Variants in TJAP1 observed in about 807,000 individuals in gnomAD.
The protein encoded by TJAP1 is tight junction associated protein 1, also known as tight junction-associated protein 1.
In TJAP1, 27 loss-of-function variants were observed where a neutral mutation model predicts 42.0. The ratio of observed to expected loss-of-function variants is 0.64; its 90% confidence interval spans 0.47 to 0.89. The LOEUF (loss-of-function observed/expected upper bound fraction) is 0.89, where lower values mean the gene tolerates loss of function less well. Among genes scored for constraint, TJAP1 ranks in the 40% least tolerant of loss-of-function variants. TJAP1 has a pLI of 0.00. For synonymous variants in TJAP1, 257 were observed against 288.4 expected (o/e 0.89, Z 1.10); for missense variants, 712 against 726.9 (o/e 0.98, Z 0.24).
chr6:43,504,672 T>C, intron 10 of TJAP1, 89 bp from the exon 11 acceptor site: 1 of 1,517,426 alleles, frequency 6.6e-7, no homozygotes, highest in Non-Finnish European at 8.9e-7. Flanking sequence ...ACAGAGGTAC[T>C]TAAAGGTGGG....
At chr6:43,489,780 G>A (rs1787400869) in intron 2 of TJAP1, 1 of 152,168 alleles carries the variant, frequency 6.6e-6, no homozygotes, top group African/African-American at 2.4e-5. Context: ...TTCCGGATGG[G>A]AGAAAGCCCC....
intron 2 of TJAP1, among the ~76,000 whole-genome samples, chr6:43,493,509 A>C (rs1406458127): frequency 6.6e-6 from 1 of 152,140 alleles, no homozygotes; most frequent in African/African-American, 2.4e-5. Flanking sequence ...TGGAAAAGCC[A>C]AAGAACCATA....
Position 43,505,291 on chromosome 6 carries a change from C to T in TJAP1, c.1110C>T (p.Ala370=), listed in dbSNP as rs1303798828. The T allele has an allele frequency of 6.2e-7, 1 of 1,612,046 alleles. No homozygotes were observed. Residue 370 remains alanine (A), a synonymous_variant, in exon 11 of 11, where the codon GCC becomes GCT. Transcript: ENST00000372449. The surrounding 1 kb of genome is among the most constrained non-coding windows in gnomAD (Gnocchi z 5.5). ...TGGTAGAGGAGGGGAGTGAGCGGGC[C>T]CGCCCCAGCCCAGTGCCCAGCACCC...
chr6:43,478,867 G>A (rs1431840053), intron 2 of TJAP1: 1 of 152,230 alleles, frequency 6.6e-6, no homozygotes, highest in African/African-American at 2.4e-5. Context: ...CTCTGGGAAT[G>A]TTTAGCACCG....
chr6:43,483,528 T>A (rs1785765115), intron 2 of TJAP1, among the ~76,000 whole-genome samples: 1 of 152,212 alleles, frequency 6.6e-6, no homozygotes, highest in South Asian at 2.1e-4. Flanking sequence ...TACCATGTTG[T>A]TTGGTGAGGG....
chr6:43,482,615 T>G (rs1436300026), intron 2 of TJAP1, among the ~76,000 whole-genome samples: 1 of 152,212 alleles, frequency 6.6e-6, no homozygotes, highest in African/African-American at 2.4e-5. Context: ...GTGTCATAAT[T>G]GCCTGTTTAC....
intron 2 of TJAP1, among the ~76,000 whole-genome samples, chr6:43,481,949 G>C (rs1004000402): frequency 1.6e-4 from 24 of 152,204 alleles, no homozygotes; most frequent in Non-Finnish European, 2.2e-4. Context: ...GGAATTGCGG[G>C]CTCAGGACTT....
At chr6:43,501,893 A>G (rs192367561) in intron 6 of TJAP1, among the ~76,000 whole-genome samples, 1 of 61,932 alleles carries the variant, frequency 1.6e-5, no homozygotes, top group Non-Finnish European at 3.4e-5. Context: ...ATGCGGGGCC[A>G]CACACACACA....
chr6:43,506,006 C>T, exon 11 of TJAP1: 2 of 720,512 alleles, frequency 2.8e-6, no homozygotes, highest in East Asian at 3.1e-5. Context: ...AGGTTGTGGG[C>T]CATGCCAGGC....
chr6:43,502,294 G>A (rs369789691), exon 7 of TJAP1: 8 of 1,613,866 alleles, frequency 5.0e-6, no homozygotes, highest in South Asian at 1.1e-5. Flanking sequence ...CTGCAGAACA[G>A]CTACACGGCT....
At chr6:43,480,083 A>G (rs143255496) in intron 2 of TJAP1, among the ~76,000 whole-genome samples, 1 of 152,330 alleles carries the variant, frequency 6.6e-6, no homozygotes, top group Non-Finnish European at 1.5e-5. Context: ...TTATCAATCA[A>G]ATGTGGGTAG....
chr6:43,497,049 C>G (rs76284477), intron 2 of TJAP1: 7,655 of 152,392 alleles, frequency 0.05, 306 homozygotes, highest in African/African-American at 0.11. Context: ...CTCCAACTCC[C>G]CCGACTGGGG....
At chr6:43,499,680 C>T (rs915444168) in intron 4 of TJAP1, among the ~76,000 whole-genome samples, 1 of 152,270 alleles carries the variant, frequency 6.6e-6, no homozygotes, top group Admixed American at 6.5e-5. Context: ...ATTAACTTCA[C>T]TCACAGGCAG....
chr6:43,500,844 T>C (rs1790365226), intron 5 of TJAP1, 72 bp downstream of exon 5: 1 of 1,573,142 alleles, frequency 6.4e-7, no homozygotes, highest in Non-Finnish European at 8.7e-7. Context: ...AGACTGTTGG[T>C]ACAGTTGGAC....
intron 4 of TJAP1, 24 bp downstream of exon 4, chr6:43,499,124 C>G (rs780898081): frequency 4.3e-6 from 7 of 1,612,282 alleles, no homozygotes; most frequent in Non-Finnish European, 5.1e-6. Flanking sequence ...GTATCACAGC[C>G]TGACCGGCAG....
At position 43,505,771 on chromosome 6, in the gene TJAP1, C is replaced by A; in HGVS notation, c.1590C>A (p.Arg530=). Reference sequence around the variant, plus strand: ...TCCCCAGCTCCAGTCGCCCCCAGCGCAGCCCCAAGAGGATGGGGGTTCACC... The same window carrying A: ...TCCCCAGCTCCAGTCGCCCCCAGCGAAGCCCCAAGAGGATGGGGGTTCACC... Residue 530 remains arginine (R), a synonymous_variant, in exon 11 of 11, where the codon CGC becomes CGA. Transcript: ENST00000372449. This position sits in a 1 kb window ranked among gnomAD's most constrained non-coding sequence, Gnocchi z 5.5. 6.6e-7 allele frequency: 1 copy of A among 1,515,498 alleles called. No individual in the cohort carries two copies. Among genetic ancestry groups the A allele is most frequent in the Non-Finnish European group, 8.8e-7 (1 of 1,136,448 alleles). 93.9% of individuals were successfully genotyped at this position (1,515,498 alleles called of 1,614,324 possible).
rs560460422 is a variant in TJAP1 at position 43,499,155 on chromosome 6, G to A, written c.99+55G>A. 3.4e-5 allele frequency: 55 copies of A among 1,602,268 alleles called. No individual in the cohort carries two copies. The East Asian group carries it at 1.2e-3, about 35-fold the overall frequency. On this transcript the variant is annotated intron_variant, in intron 4 of 10. Transcript: ENST00000372449. ...GGCAGAGGCAAGGCCCCTGAGGCTG[G>A]GTGTCTGGCTGACTTCTCCTGCCTG... is the stretch of plus-strand genomic sequence containing the variant.
At chr6:43,485,976 T>C (rs1581922814) in intron 2 of TJAP1, among the ~76,000 whole-genome samples, 1 of 152,020 alleles carries the variant, frequency 6.6e-6, no homozygotes, top group East Asian at 1.9e-4. Context: ...TGTTTTTTTT[T>C]TTTTTCTTTT....
chr6:43,496,191 G>A (rs1477578048), intron 2 of TJAP1, among the ~76,000 whole-genome samples: 1 of 152,022 alleles, frequency 6.6e-6, no homozygotes, highest in Admixed American at 6.6e-5. Flanking sequence ...TTGACTGCTC[G>A]CATCTCTCAC....
Sources: gnomAD v4.1 joint callset for allele counts (sites outside exome capture counted in the v4.1 genomes callset) on GRCh38, gnomAD v4.1.1 for gene constraint, Gnocchi (gnomAD v3.1) non-coding constraint, MANE v1.5 for transcripts, NCBI Gene and HGNC (gene_info 2026-07-23, HGNC 2026-07-21) for gene names.